Variants in HNRNPD observed in about 807,000 individuals in gnomAD.
HNRNPD encodes the protein heterogeneous nuclear ribonucleoprotein D0.
Under a neutral mutation model 47.9 loss-of-function variants are expected in HNRNPD, and 3 were observed. That is an observed-to-expected ratio of 0.06 (90% CI 0.03 to 0.16). The LOEUF (loss-of-function observed/expected upper bound fraction) is 0.16. Among genes scored for constraint, HNRNPD ranks in the 10% least tolerant of loss-of-function variants. The probability of loss-of-function intolerance (pLI) is 1.00; values close to 1 mark genes in which losing one functional copy is unlikely to be tolerated. For missense variants in HNRNPD, 287 were observed against 454.2 expected (o/e 0.63, Z 3.35); for synonymous variants, 171 against 165.1 (o/e 1.04, Z -0.28).
At chr4:82,356,927 C>G in intron 5 of HNRNPD, 32 bp from the exon 6 acceptor site, 1 of 1,552,286 alleles carries the variant, frequency 6.4e-7, no homozygotes, top group East Asian at 2.2e-5. Flanking sequence ...ATTAAACTGA[C>G]TCAAGAAAAT....
rs3792676 is a variant in HNRNPD, at chr4:82,368,299, G to A, written c.290+3229C>T. On this transcript the variant is annotated intron_variant, in intron 2 of 8. Transcript: ENST00000313899. Reference sequence around the variant, plus strand: ...TCAATAGTATACTCAAAATGTTCTCGTATTAGGGCAGCCTTACCCTAATAT... The same window carrying A: ...TCAATAGTATACTCAAAATGTTCTCATATTAGGGCAGCCTTACCCTAATAT... 2.0e-3 allele frequency among the ~76,000 whole-genome samples: 311 copies of A among 152,066 alleles called. 6 individuals are homozygous for A. In the East Asian group the frequency reaches 0.044, roughly 22 times the overall value.
chr4:82,373,393 G>T (rs1002317002), intron 1 of HNRNPD, 53 bp downstream of exon 1: 8 of 1,503,878 alleles, frequency 5.3e-6, no homozygotes, highest in Non-Finnish European at 7.1e-6. Flanking sequence ...GGGGAATAAA[G>T]AGGGGGAGGG....
chr4:82,358,463 A>T, intron 4 of HNRNPD, 196 bp downstream of exon 4: 1 of 536,166 alleles, frequency 1.9e-6, no homozygotes, highest in Non-Finnish European at 3.3e-6. Flanking sequence ...TGCATAGAGT[A>T]GGTGCTCAAT....
chr4:82,373,337 G>A, intron 1 of HNRNPD, 109 bp downstream of exon 1: 1 of 1,415,860 alleles, frequency 7.1e-7, no homozygotes. Flanking sequence ...GAGGCTGCAT[G>A]GGGGCCCGGA....
chr4:82,362,315 A>T (rs1475180307), intron 2 of HNRNPD, among the ~76,000 whole-genome samples: 2 of 152,218 alleles, frequency 1.3e-5, no homozygotes, highest in Non-Finnish European at 2.9e-5. Context: ...GTAAGTAGCC[A>T]GCTGTCAAAC....
intron 2 of HNRNPD, among the ~76,000 whole-genome samples, chr4:82,371,276 A>G (rs528433263): frequency 2.0e-5 from 3 of 152,332 alleles, no homozygotes; most frequent in African/African-American, 7.2e-5. Context: ...TATCGTTACT[A>G]ATTGTTTAGC....
chr4:82,368,276 A>G (rs892422371), intron 2 of HNRNPD, among the ~76,000 whole-genome samples: 4 of 152,168 alleles, frequency 2.6e-5, no homozygotes. Flanking sequence ...ATGTATACTC[A>G]ATAGTATACT....
chr4:82,368,868 A>C (rs569703727), intron 2 of HNRNPD, among the ~76,000 whole-genome samples: 2 of 152,338 alleles, frequency 1.3e-5, no homozygotes, highest in Non-Finnish European at 2.9e-5. Flanking sequence ...ATAATCAGAC[A>C]GGCAACAACC....
At chr4:82,364,600 T>C (rs1460586946) in intron 2 of HNRNPD, among the ~76,000 whole-genome samples, 1 of 152,204 alleles carries the variant, frequency 6.6e-6, no homozygotes, top group African/African-American at 2.4e-5. Context: ...AAACATATTC[T>C]AATATTTTCA....
intron 1 of HNRNPD, among the ~76,000 whole-genome samples, chr4:82,372,069 G>A (rs2556549): frequency 6.6e-6 from 1 of 151,860 alleles, no homozygotes; most frequent in African/African-American, 2.4e-5. Flanking sequence ...TCTCAGTAAA[G>A]GAAATCGTGT....
chr4:82,360,002 T>A (rs1723891548), intron 2 of HNRNPD, among the ~76,000 whole-genome samples: 1 of 152,164 alleles, frequency 6.6e-6, no homozygotes, highest in Non-Finnish European at 1.5e-5. Context: ...ATTAAACTTG[T>A]TAAAATGCTA....
intron 3 of HNRNPD, 123 bp from the exon 4 acceptor site, chr4:82,358,943 T>C: frequency 4.1e-6 from 3 of 724,180 alleles, no homozygotes; most frequent in African/African-American, 1.8e-5. Context: ...TTGCTCAAGA[T>C]TAAACTGTCA....
chr4:82,363,206 A>T (rs990954034), intron 2 of HNRNPD, among the ~76,000 whole-genome samples: 2 of 151,942 alleles, frequency 1.3e-5, no homozygotes, highest in Non-Finnish European at 2.9e-5. Context: ...CCTCCTGAGT[A>T]GCTGGGATAA....
At chr4:82,355,997 C>A (rs917704575) in intron 7 of HNRNPD, 1 of 153,148 alleles carries the variant, frequency 6.5e-6, no homozygotes, top group Non-Finnish European at 1.5e-5. Flanking sequence ...CTTTACCTGA[C>A]GACTCAACAG....
At position 82,355,375 on chromosome 4, in the gene HNRNPD, A is replaced by G; in HGVS notation, c.1027T>C (p.Ser343Pro). The part of the protein sequence containing the change: ...SNQQSGYGKV[S>P]RRGGHQNSYK... ...CTATTTTGATGACCACCTCGCCTGG[A>G]TACCTTCCCATAACCACTCTGCTGG... The change falls in exon 8 of 9, where the codon TCC becomes CCC. Residue 343 changes from serine to proline, a missense_variant. Coordinates refer to ENST00000313899, the MANE Select transcript of HNRNPD (RefSeq NM_031370.3). 1 of 1,613,848 alleles carries G rather than the reference A, an allele frequency of 6.2e-7. No homozygotes were observed. Among genetic ancestry groups the G allele is most frequent in the South Asian group, 1.1e-5 (1 of 91,078 alleles).
chr4:82,363,315 G>C (rs373025380), intron 2 of HNRNPD, among the ~76,000 whole-genome samples: 1 of 151,856 alleles, frequency 6.6e-6, no homozygotes, highest in Non-Finnish European at 1.5e-5. Flanking sequence ...TCCTGACCTC[G>C]TGATCCACCT....
At chr4:82,370,203 A>C (rs1334706360) in intron 2 of HNRNPD, among the ~76,000 whole-genome samples, 2 of 152,018 alleles carry the variant, frequency 1.3e-5, no homozygotes, top group East Asian at 1.9e-4. Flanking sequence ...GTTACTATCT[A>C]GAATGTTTAT....
intron 2 of HNRNPD, among the ~76,000 whole-genome samples, chr4:82,366,757 C>T (rs1719779692): frequency 6.6e-6 from 1 of 151,786 alleles, no homozygotes; most frequent in African/African-American, 2.4e-5. Flanking sequence ...GCTGGGGTTT[C>T]GCCATGTTGG....
chr4:82,358,844 T>TA (rs750192574), intron 3 of HNRNPD, 24 bp from the exon 4 acceptor site: 1 of 1,512,226 alleles, frequency 6.6e-7, no homozygotes, highest in South Asian at 1.2e-5. Flanking sequence ...AGTTTTCATT[T>TA]AAAAAATATA....
Sources: allele counts gnomAD v4.1 joint callset (sites outside exome capture counted in the v4.1 genomes callset), GRCh38; gene constraint gnomAD v4.1.1; transcripts MANE v1.5; gene names NCBI Gene and HGNC (gene_info 2026-07-23, HGNC 2026-07-21).